The following TMEFF2 variants were observed in gnomAD, a reference collection of about 807,000 sequenced individuals.
TMEFF2 encodes the protein transmembrane protein with EGF like and two follistatin like domains 2.
TMEFF2 carries 28 observed loss-of-function variants against 53.8 expected under a neutral mutation model. The observed-to-expected ratio is 0.52, with a 90% confidence interval of 0.39 to 0.71. The LOEUF is 0.71. TMEFF2 is among the 30% of genes least tolerant of loss of function. The pLI is 0.00. For missense variants in TMEFF2, 353 were observed against 455.2 expected (o/e 0.78, Z 2.04); for synonymous variants, 162 against 166.3 (o/e 0.97, Z 0.20).
chr2:192,013,746 T>G (rs1305862356), intron 5 of TMEFF2, among the ~76,000 whole-genome samples: 1 of 152,190 alleles, frequency 6.6e-6, no homozygotes, highest in Non-Finnish European at 1.5e-5. Context: ...CCACTGCACC[T>G]GGCCCATACT....
chr2:192,026,865 T>C (rs940544552), intron 5 of TMEFF2, among the ~76,000 whole-genome samples: 1 of 152,206 alleles, frequency 6.6e-6, no homozygotes, highest in Non-Finnish European at 1.5e-5. Context: ...GAAAATTGAA[T>C]ACAAGCACTG....
At chr2:192,107,851 C>CA (rs1689185724) in intron 4 of TMEFF2, among the ~76,000 whole-genome samples, 1 of 151,562 alleles carries the variant, frequency 6.6e-6, no homozygotes, top group Non-Finnish European at 1.5e-5. Context: ...AATCACAAGG[C>CA]AAAATGGGAA....
intron 5 of TMEFF2, among the ~76,000 whole-genome samples, chr2:192,037,628 AGAGAAAGAGAGAGAAAGAGAG>A (rs1687358189): frequency 1.1e-4 from 3 of 26,230 alleles, no homozygotes; most frequent in Non-Finnish European, 3.2e-4. Flanking sequence ...GAGAGAGAGG[AGAGAAAGAGAGAGAAAGAGAG>A]AGAGAGAGAG....
intron 4 of TMEFF2, among the ~76,000 whole-genome samples, chr2:192,102,534 C>T (rs1359577780): frequency 6.6e-6 from 1 of 151,840 alleles, no homozygotes; most frequent in African/African-American, 2.4e-5. Context: ...GAATGCTCTG[C>T]TCCTAGATAT....
chr2:191,969,834 T>C (rs1452212590), intron 7 of TMEFF2, among the ~76,000 whole-genome samples: 4 of 152,196 alleles, frequency 2.6e-5, no homozygotes, highest in East Asian at 1.9e-4. Context: ...ATGTAGCTGA[T>C]TGTGCTATGA....
intron 7 of TMEFF2, among the ~76,000 whole-genome samples, chr2:191,969,898 C>A (rs1296278137): frequency 1.3e-5 from 2 of 152,020 alleles, no homozygotes; most frequent in African/African-American, 4.8e-5. Flanking sequence ...ATAAAACTGG[C>A]AATAAAAAAG....
chr2:192,061,081 A>G (rs1243339468), intron 4 of TMEFF2, among the ~76,000 whole-genome samples: 1 of 152,150 alleles, frequency 6.6e-6, no homozygotes, highest in East Asian at 1.9e-4. Flanking sequence ...GTTGAATTCC[A>G]TCACCACCCT....
intron 4 of TMEFF2, among the ~76,000 whole-genome samples, chr2:192,078,697 G>C (rs1266224068): frequency 6.6e-6 from 1 of 152,074 alleles, no homozygotes; most frequent in Non-Finnish European, 1.5e-5. Context: ...ATTCTATGTA[G>C]TGTCTGTTTA....
intron 5 of TMEFF2, among the ~76,000 whole-genome samples, chr2:192,018,327 A>G (rs545133189): frequency 6.6e-6 from 1 of 152,308 alleles, no homozygotes; most frequent in East Asian, 1.9e-4. Context: ...AAGGGCTTCA[A>G]CGTTTCCTCT....
intron 5 of TMEFF2, among the ~76,000 whole-genome samples, chr2:192,016,245 G>A (rs80048111): frequency 0.053 from 8,017 of 152,152 alleles, 278 homozygotes; most frequent in Admixed American, 0.084. Flanking sequence ...GGAGCTGAAT[G>A]GGATGATTTT....
intron 4 of TMEFF2, among the ~76,000 whole-genome samples, chr2:192,088,723 T>TA (rs1471062721): frequency 6.6e-6 from 1 of 152,188 alleles, no homozygotes; most frequent in Non-Finnish European, 1.5e-5. Flanking sequence ...ATTCATGCTA[T>TA]TCCTTTTGCC....
chr2:191,988,040 T>C (rs1484136464), intron 7 of TMEFF2, among the ~76,000 whole-genome samples: 1 of 152,178 alleles, frequency 6.6e-6, no homozygotes, highest in African/African-American at 2.4e-5. Flanking sequence ...ATGGCTAAGA[T>C]GAACAGCTCG....
At chr2:192,020,012 A>G (rs1475049420) in intron 5 of TMEFF2, among the ~76,000 whole-genome samples, 1 of 152,106 alleles carries the variant, frequency 6.6e-6, no homozygotes, top group Non-Finnish European at 1.5e-5. Flanking sequence ...CTTCTAGGAA[A>G]CCATTCTGTT....
intron 4 of TMEFF2, among the ~76,000 whole-genome samples, chr2:192,085,726 C>T (rs1361364826): frequency 6.7e-6 from 1 of 148,870 alleles, no homozygotes; most frequent in African/African-American, 2.5e-5. Flanking sequence ...AAAAAAACCA[C>T]AAAAGAGGTA....
chr2:192,088,218 G>A (rs1328689940), intron 4 of TMEFF2, among the ~76,000 whole-genome samples: 1 of 151,804 alleles, frequency 6.6e-6, no homozygotes, highest in Non-Finnish European at 1.5e-5. Flanking sequence ...CACATCCAAG[G>A]AAGCTAAATT....
chr2:192,004,245 A>C (rs1686443291), intron 5 of TMEFF2, among the ~76,000 whole-genome samples: 1 of 152,162 alleles, frequency 6.6e-6, no homozygotes, highest in South Asian at 2.1e-4. Context: ...TGAAGAACTA[A>C]GGCTCACTGT....
At chr2:191,989,317 C>T (rs1285031080) in intron 7 of TMEFF2, among the ~76,000 whole-genome samples, 2 of 152,008 alleles carry the variant, frequency 1.3e-5, no homozygotes, top group Admixed American at 1.3e-4. Flanking sequence ...GAAACTCAGA[C>T]CAAGGATGGT....
intron 5 of TMEFF2, among the ~76,000 whole-genome samples, chr2:192,027,195 G>A (rs1176962606): frequency 1.3e-5 from 2 of 152,108 alleles, no homozygotes; most frequent in Non-Finnish European, 2.9e-5. Flanking sequence ...AAATAATAAC[G>A]ACAGTCTTAA....
intron 7 of TMEFF2, among the ~76,000 whole-genome samples, chr2:191,985,656 G>A (rs150822383): frequency 3.2e-4 from 48 of 152,284 alleles, no homozygotes; most frequent in African/African-American, 1.0e-3. Context: ...AGGTAGTAGT[G>A]TAATCTAAGA....
Sources: allele counts gnomAD v4.1 joint callset (sites outside exome capture counted in the v4.1 genomes callset), GRCh38; gene constraint gnomAD v4.1.1; transcripts MANE v1.5; gene names NCBI Gene and HGNC (gene_info 2026-07-23, HGNC 2026-07-21).